The following FAM13C variants were observed in gnomAD, a reference collection of about 807,000 sequenced individuals.
The protein encoded by FAM13C is family with sequence similarity 13 member C.
A neutral mutation model predicts 73.2 loss-of-function variants in FAM13C; 37 were observed. That is an observed-to-expected ratio of 0.51 (90% CI 0.39 to 0.67). The LOEUF (loss-of-function observed/expected upper bound fraction) is 0.67. Among genes scored for constraint, FAM13C ranks in the 30% least tolerant of loss-of-function variants. FAM13C has a pLI of 0.00. For synonymous variants in FAM13C, 246 were observed against 260.9 expected (o/e 0.94, Z 0.55); for missense variants, 589 against 715.6 (o/e 0.82, Z 2.02).
Position 59,352,381 on chromosome 10 carries a change from C to T in FAM13C, c.213G>A (p.Glu71=). The part of the protein sequence containing the change: ...PSWEPQQQNV[E]ATVLVDSVLR... ...ATACGCTGTCCACCAGCACGGTCGC[C>T]TCTACATTCTGCTGCTGCGGCTCCC... The change falls in exon 3 of 14, where the codon GAG becomes GAA. Residue 71 remains glutamate, a synonymous_variant. Coordinates refer to ENST00000618804, the MANE Select transcript of FAM13C (RefSeq NM_198215.4). The T allele has an allele frequency of 6.2e-7, 1 of 1,614,148 alleles. No homozygotes were observed. The highest frequency in any genetic ancestry group is 8.5e-7 in the Non-Finnish European group (1 of 1,180,014).
intron 4 of FAM13C, among the ~76,000 whole-genome samples, chr10:59,311,581 C>T (rs904097667): frequency 6.6e-6 from 1 of 152,194 alleles, no homozygotes; most frequent in African/African-American, 2.4e-5. Context: ...ACCAATACTT[C>T]AGCTCCAAGG....
intron 4 of FAM13C, among the ~76,000 whole-genome samples, chr10:59,312,744 C>T (rs1042771283): frequency 2.6e-5 from 4 of 152,198 alleles, no homozygotes; most frequent in African/African-American, 9.7e-5. Context: ...TGAACAGAAC[C>T]TGGATCAGTG....
chr10:59,338,459 T>C (rs284638), intron 3 of FAM13C, among the ~76,000 whole-genome samples: 151,873 of 152,332 alleles, frequency 1, 75,707 homozygotes, highest in Middle Eastern at 1. Context: ...CCTGGACTGA[T>C]GGTCAATAAA....
At chr10:59,264,035 A>G in intron 9 of FAM13C, 50 bp downstream of exon 9, 1 of 1,507,992 alleles carries the variant, frequency 6.6e-7, no homozygotes, top group Non-Finnish European at 9.2e-7. Context: ...CATTATCACT[A>G]GTTTAACTGC....
chr10:59,289,039 G>A lies in FAM13C; in HGVS notation c.508-5592C>T, dbSNP rs927730076. Among the ~76,000 whole-genome samples, 31 of 152,316 alleles carry A rather than the reference G, an allele frequency of 2.0e-4. 1 individual carries two copies. Among genetic ancestry groups the A allele is most frequent in the Admixed American group, 1.4e-3 (21 of 15,298 alleles). On this transcript the variant is annotated intron_variant, in intron 5 of 13. Coordinates refer to ENST00000618804, the MANE Select transcript of FAM13C (RefSeq NM_198215.4). ...CCCAACCTTTTTGGCACCAGGGACC[G>A]GCTTTGCAGAAGACAATTTTTCCAT... is the stretch of plus-strand genomic sequence containing the variant.
chr10:59,275,127 G>A (rs1285179147), intron 6 of FAM13C, among the ~76,000 whole-genome samples: 1 of 152,194 alleles, frequency 6.6e-6, no homozygotes, highest in Non-Finnish European at 1.5e-5. Context: ...ACTATGGGGA[G>A]AATATTTGGG....
chr10:59,295,255 A>T lies in FAM13C; in HGVS notation c.507+7546T>A, dbSNP rs1737786501. On this transcript the variant is annotated intron_variant, in intron 5 of 13. Transcript: ENST00000618804. ...TTAAAGCTTTAACTTAGCTGACCAAAGATACAGATTACTTGGCTGAGCCTG... is the reference window on the plus strand; with the variant it reads ...TTAAAGCTTTAACTTAGCTGACCAATGATACAGATTACTTGGCTGAGCCTG... Among the ~76,000 whole-genome samples the T allele has an allele frequency of 5.9e-5, 9 of 152,222 alleles. No homozygotes were observed. The South Asian group carries it at 1.9e-3, about 32-fold the overall frequency.
intron 7 of FAM13C, among the ~76,000 whole-genome samples, chr10:59,269,124 A>G (rs1022647544): frequency 6.6e-6 from 1 of 151,996 alleles, no homozygotes; most frequent in Non-Finnish European, 1.5e-5. Flanking sequence ...TTTTCCAGAA[A>G]TTGCATACAC....
chr10:59,333,501 A>G (rs953628824), intron 3 of FAM13C, among the ~76,000 whole-genome samples: 1 of 152,158 alleles, frequency 6.6e-6, no homozygotes, highest in Non-Finnish European at 1.5e-5. Flanking sequence ...AAAATTAAAT[A>G]AATAAAAATA....
chr10:59,258,776 TTATCTC>T (rs1160869300), intron 10 of FAM13C, among the ~76,000 whole-genome samples: 2 of 152,176 alleles, frequency 1.3e-5, no homozygotes, highest in African/African-American at 2.4e-5. Flanking sequence ...TTCATGCCCT[TTATCTC>T]TAAGTCTACT....
At chr10:59,350,907 C>T (rs1663802670) in intron 3 of FAM13C, among the ~76,000 whole-genome samples, 1 of 152,048 alleles carries the variant, frequency 6.6e-6, no homozygotes, top group African/African-American at 2.4e-5. Context: ...TAAATGTTAA[C>T]AAAAAAGCAA....
intron 10 of FAM13C, among the ~76,000 whole-genome samples, chr10:59,257,427 G>A (rs770179834): frequency 6.6e-6 from 1 of 152,286 alleles, no homozygotes; most frequent in East Asian, 1.9e-4. Flanking sequence ...TTCCTTTCCC[G>A]CATGGGAGTG....
intron 5 of FAM13C, among the ~76,000 whole-genome samples, chr10:59,284,835 C>A (rs972326102): frequency 6.6e-6 from 1 of 151,562 alleles, no homozygotes; most frequent in African/African-American, 2.4e-5. Context: ...CATGCACACC[C>A]ACCTCACACA....
chr10:59,346,033 T>G (rs949869988), intron 3 of FAM13C, among the ~76,000 whole-genome samples: 4 of 152,218 alleles, frequency 2.6e-5, no homozygotes, highest in Non-Finnish European at 2.9e-5. Flanking sequence ...GGAGTGGAAT[T>G]CTATTCAAGG....
In FAM13C at chr10:59,251,666, G is replaced by C; in HGVS notation, c.1543C>G (p.Leu515Val). The part of the protein sequence containing the change: ...NLHEATMPVL[L>V]DHLRETRADK... ...GCCCTAGTTTCTCGGAGATGGTCAA[G>C]AAGTACAGGCCTATATAAGGTAAAA... Residue 515 changes from leucine to valine, a missense_variant, in exon 13 of 14, where the codon CTT becomes GTT. By Grantham distance (32) the Leu-to-Val change is conservative. Coordinates refer to ENST00000618804, the MANE Select transcript of FAM13C (RefSeq NM_198215.4). 6.2e-7 allele frequency: 1 copy of C among 1,610,982 alleles called. No individual in the cohort carries two copies. The highest frequency in any genetic ancestry group is 1.1e-5 in the South Asian group (1 of 90,628).
intron 6 of FAM13C, chr10:59,282,298 C>T (rs1414002884): frequency 1.3e-5 from 2 of 152,196 alleles, no homozygotes; most frequent in East Asian, 3.8e-4. Flanking sequence ...GTAGCTACTA[C>T]TAGTAGCTAT....
intron 3 of FAM13C, among the ~76,000 whole-genome samples, chr10:59,333,010 C>A (rs369122416): frequency 3.4e-5 from 3 of 87,756 alleles, no homozygotes; most frequent in Non-Finnish European, 7.3e-5. Context: ...TTTATTTATT[C>A]ATTTATTGGT....
chr10:59,353,573 C>T (rs1346573275), intron 2 of FAM13C, among the ~76,000 whole-genome samples: 1 of 152,124 alleles, frequency 6.6e-6, no homozygotes, highest in Non-Finnish European at 1.5e-5. Flanking sequence ...AGCCAAGAAG[C>T]AAGACCAGCA....
chr10:59,303,365 T>C (rs1360609585), intron 4 of FAM13C, among the ~76,000 whole-genome samples: 1 of 152,230 alleles, frequency 6.6e-6, no homozygotes, highest in Non-Finnish European at 1.5e-5. Context: ...ATTGAAATTA[T>C]ACATTTATTT....
Sources: gnomAD v4.1 joint callset for allele counts (sites outside exome capture counted in the v4.1 genomes callset) on GRCh38, gnomAD v4.1.1 for gene constraint, MANE v1.5 for transcripts, NCBI Gene and HGNC (gene_info 2026-07-23, HGNC 2026-07-21) for gene names.